The following DGKB variants were observed in gnomAD, a reference collection of about 807,000 sequenced individuals.
DGKB encodes diacylglycerol kinase beta.
A neutral mutation model predicts 114.3 loss-of-function variants in DGKB; 67 were observed. That is an observed-to-expected ratio of 0.59 (90% CI 0.48 to 0.72). The LOEUF is 0.72. Ranked by LOEUF, DGKB falls within the 30% of genes least tolerant of loss-of-function variation. The pLI, the probability that DGKB is intolerant of heterozygous loss-of-function variation, is 0.00. For missense variants in DGKB, 907 were observed against 975.2 expected (o/e 0.93, Z 0.93); for synonymous variants, 398 against 323.1 (o/e 1.23, Z -2.49).
chr7:14,674,584 T>C (rs80244023), intron 12 of DGKB, among the ~76,000 whole-genome samples: 3,328 of 152,192 alleles, frequency 0.022, 112 homozygotes, highest in African/African-American at 0.076. Context: ...GACCTTTGAA[T>C]GTGAACTTAA....
intron 21 of DGKB, among the ~76,000 whole-genome samples, chr7:14,446,773 T>C (rs775914228): frequency 1.4e-4 from 21 of 152,198 alleles, no homozygotes; most frequent in Middle Eastern, 3.4e-3. Context: ...AACAAATTCA[T>C]AAACTTGGCC....
chr7:14,238,353 C>T (rs1793120407), intron 23 of DGKB, among the ~76,000 whole-genome samples: 2 of 151,972 alleles, frequency 1.3e-5, no homozygotes, highest in Non-Finnish European at 1.5e-5. Flanking sequence ...CTGTGCCTTG[C>T]TTCTTCTTCT....
chr7:14,424,458 A>G (rs572308252), intron 21 of DGKB, among the ~76,000 whole-genome samples: 12 of 151,514 alleles, frequency 7.9e-5, no homozygotes, highest in Admixed American at 2.6e-4. Context: ...TTCTCTGACC[A>G]CCCTATATAA....
intron 21 of DGKB, among the ~76,000 whole-genome samples, chr7:14,370,151 A>G (rs1817393773): frequency 6.6e-6 from 1 of 152,190 alleles, no homozygotes; most frequent in Admixed American, 6.5e-5. Flanking sequence ...GTCCAGTTTC[A>G]GTTTTCTGCA....
intron 21 of DGKB, among the ~76,000 whole-genome samples, chr7:14,367,509 T>C (rs1238681455): frequency 2.0e-5 from 3 of 152,090 alleles, no homozygotes; most frequent in African/African-American, 4.8e-5. Context: ...CCCAGCCACA[T>C]GGAACTGTGA....
intron 1 of DGKB, among the ~76,000 whole-genome samples, chr7:14,945,348 G>C (rs953905138): frequency 6.6e-6 from 1 of 151,832 alleles, no homozygotes; most frequent in African/African-American, 2.4e-5. Context: ...TAACCAGAAG[G>C]AAGTAGGCAC....
chr7:14,691,206 G>A (rs1053059003), intron 9 of DGKB, among the ~76,000 whole-genome samples: 1 of 152,110 alleles, frequency 6.6e-6, no homozygotes, highest in South Asian at 2.1e-4. Flanking sequence ...ACTCTCCCAG[G>A]ACTACTTCCT....
intron 23 of DGKB, among the ~76,000 whole-genome samples, chr7:14,222,799 T>G (rs563738994): frequency 1.3e-5 from 2 of 151,666 alleles, no homozygotes; most frequent in Non-Finnish European, 3.0e-5. Flanking sequence ...CTCCTTCCAC[T>G]TCTGTCATTT....
intron 23 of DGKB, among the ~76,000 whole-genome samples, chr7:14,277,911 C>T (rs924032078): frequency 1.3e-5 from 2 of 152,190 alleles, no homozygotes; most frequent in Non-Finnish European, 2.9e-5. Flanking sequence ...GTTCCGTTTT[C>T]TCCACATCCA....
intron 23 of DGKB, among the ~76,000 whole-genome samples, chr7:14,257,913 A>C (rs919961960): frequency 2.0e-5 from 3 of 152,048 alleles, no homozygotes; most frequent in African/African-American, 7.2e-5. Flanking sequence ...TTTTTAACAG[A>C]GATGGGGTTT....
In DGKB at chr7:14,804,658, AT is replaced by A. The variant is rs66870753; in HGVS notation, c.70+36535del. On this transcript the variant is annotated intron_variant, in intron 2 of 25. Coordinates refer to ENST00000402815, the MANE Select transcript of DGKB (RefSeq NM_001350709.2). Reference sequence around the variant, plus strand: ...CACTCCTAACAGTCTTATTTTGCCTATTTTCAAACTATTGTTGGTATCTGTT... The same window carrying A: ...CACTCCTAACAGTCTTATTTTGCCTATTTCAAACTATTGTTGGTATCTGTT... 5.3e-3 allele frequency among the ~76,000 whole-genome samples: 802 copies of A among 152,094 alleles called. 5 individuals carry two copies. Among genetic ancestry groups the A allele is most frequent in the African/African-American group, 0.018 (754 of 41,514 alleles).
intron 21 of DGKB, among the ~76,000 whole-genome samples, chr7:14,379,115 T>C (rs941343899): frequency 1.3e-5 from 2 of 152,164 alleles, no homozygotes; most frequent in Admixed American, 1.3e-4. Flanking sequence ...TACACATTTT[T>C]AAGACTTTTT....
intron 9 of DGKB, among the ~76,000 whole-genome samples, chr7:14,686,774 T>C (rs540275826): frequency 1.1e-3 from 172 of 152,252 alleles, no homozygotes; most frequent in African/African-American, 4.1e-3. Flanking sequence ...ATGAAATGCT[T>C]CCTGGGCGAT....
chr7:14,459,076 A>G (rs1832715130), intron 21 of DGKB, among the ~76,000 whole-genome samples: 1 of 152,204 alleles, frequency 6.6e-6, no homozygotes, highest in African/African-American at 2.4e-5. Context: ...CAGTGTAAAC[A>G]AAGCCACTGG....
intron 23 of DGKB, chr7:14,191,488 C>A: frequency 5.3e-6 from 1 of 189,216 alleles, no homozygotes; most frequent in South Asian, 1.3e-4. Context: ...GCAATGCATC[C>A]TATCACCAAC....
In DGKB at chr7:14,280,158, T is replaced by G. The variant is rs538323445; in HGVS notation, c.2122+58357A>C. On this transcript the variant is annotated intron_variant, in intron 23 of 25. Transcript: ENST00000402815. ...AACTAGAATAACCAATACAGAGAAG[T>G]GCTTAAAGGAGCTGATGGAGCTGAA... Among the ~76,000 whole-genome samples the G allele has an allele frequency of 2.0e-3, 298 of 151,820 alleles. 2 individuals carry two copies. Among genetic ancestry groups the G allele is most frequent in the African/African-American group, 6.8e-3 (282 of 41,408 alleles).
chr7:14,492,280 T>G (rs559168589), intron 20 of DGKB, among the ~76,000 whole-genome samples: 1 of 152,026 alleles, frequency 6.6e-6, no homozygotes. Context: ...ACAGGTTTTA[T>G]GTACTGCAGA....
intron 20 of DGKB, among the ~76,000 whole-genome samples, chr7:14,508,266 C>T (rs552659191): frequency 1.3e-5 from 2 of 152,242 alleles, no homozygotes; most frequent in South Asian, 4.1e-4. Flanking sequence ...TCTTCCTTGA[C>T]CTCTTCTGCC....
chr7:14,798,753 C>A (rs1353056601), intron 2 of DGKB, among the ~76,000 whole-genome samples: 1 of 152,210 alleles, frequency 6.6e-6, no homozygotes, highest in Admixed American at 6.5e-5. Context: ...CATCTCACAG[C>A]AGGTCCAGTG....
Sources: allele counts gnomAD v4.1 joint callset (sites outside exome capture counted in the v4.1 genomes callset), GRCh38; gene constraint gnomAD v4.1.1; transcripts MANE v1.5; gene names NCBI Gene and HGNC (gene_info 2026-07-23, HGNC 2026-07-21).